UBE4B: variants seen among roughly 807,000 people sequenced by gnomAD.
The protein encoded by UBE4B is ubiquitin conjugation factor E4 B.
UBE4B carries 27 observed loss-of-function variants against 148.1 expected under a neutral mutation model. The observed-to-expected ratio is 0.18, with a 90% CI of 0.13 to 0.25. UBE4B has a LOEUF of 0.25. Among genes scored for constraint, UBE4B ranks in the 10% least tolerant of loss-of-function variants. The probability of loss-of-function intolerance (pLI) is 1.00; values close to 1 mark genes in which losing one functional copy is unlikely to be tolerated. For missense variants in UBE4B, 1,170 were observed against 1,662.4 expected, an observed-to-expected ratio of 0.70 and a Z score of 5.15; for synonymous variants, 596 against 619.3, an observed-to-expected ratio of 0.96 and a Z score of 0.56.
chr1:10,070,058 T>A (rs1557527470), intron 1 of UBE4B, among the ~76,000 whole-genome samples: 1 of 152,034 alleles, frequency 6.6e-6, no homozygotes, highest in African/African-American at 2.4e-5. Context: ...AAGGATTGTT[T>A]GAGCCCAGGA....
At chr1:10,149,900 G>A (rs1645942411) in intron 20 of UBE4B, among the ~76,000 whole-genome samples, 1 of 152,080 alleles carries the variant, frequency 6.6e-6, no homozygotes, top group African/African-American at 2.4e-5. Context: ...CATGCTTGTA[G>A]TCCCAGACAT....
intron 16 of UBE4B, among the ~76,000 whole-genome samples, chr1:10,135,882 G>A (rs6671289): frequency 0.31 from 46,967 of 151,946 alleles, 12,837 homozygotes; most frequent in African/African-American, 0.74. Context: ...TAACCTATCT[G>A]AAGTGAATTC....
chr1:10,156,216 A>C (rs1469194347), intron 21 of UBE4B, among the ~76,000 whole-genome samples: 2 of 144,978 alleles, frequency 1.4e-5, no homozygotes, highest in Non-Finnish European at 3.0e-5. Context: ...AGAAATGTAT[A>C]TTGTTTTGTT....
rs546373910 is a variant in UBE4B, at chr1:10,137,163, G to A, written c.2321G>A (p.Arg774His). Residue 774 changes from arginine to histidine, a missense_variant, in exon 17 of 28, where the codon CGT (arginine) becomes CAT (histidine). By Grantham distance (29) the Arg-to-His change is conservative. Coordinates refer to ENST00000343090, the MANE Select transcript of UBE4B (RefSeq NM_001105562.3). ...CACCTCTCTATTCTGCCTAGTTGCC[G>A]TCGCTATATCCGCAGACTCCGGGCT... is the stretch of plus-strand genomic sequence containing the variant. ...AHHLSILPSCRRYIRRLRAIR... is the reference protein window; with the variant it reads ...AHHLSILPSCHRYIRRLRAIR... The A allele has an allele frequency of 5.6e-6, 9 of 1,614,036 alleles. No homozygotes were observed. Among genetic ancestry groups the A allele is most frequent in the South Asian group, 3.3e-5 (3 of 91,074 alleles).
intron 21 of UBE4B, 78 bp from the exon 22 acceptor site, chr1:10,158,278 T>A: frequency 1.3e-6 from 2 of 1,550,448 alleles, no homozygotes; most frequent in Non-Finnish European, 1.8e-6. Context: ...ATTCACTCAG[T>A]ATCATTGTTG....
At chr1:10,065,306 G>A (rs1250668138) in intron 1 of UBE4B, among the ~76,000 whole-genome samples, 1 of 152,166 alleles carries the variant, frequency 6.6e-6, no homozygotes, top group East Asian at 1.9e-4. Context: ...CCAGGTCAGG[G>A]AGCAGGATAT....
In UBE4B at chr1:10,033,473, G is replaced by C. The variant is rs1643378856; in HGVS notation, c.-198G>C. On this transcript the variant is annotated 5_prime_UTR_variant, in exon 1 of 28. Coordinates refer to ENST00000343090, the MANE Select transcript of UBE4B (RefSeq NM_001105562.3). ...AAGCGGCTGTAGTAGTCTGTGGGGC[G>C]ACTGGAGTGACCGAAGCCAAGGCAG... is the stretch of plus-strand genomic sequence containing the variant. 1 of 457,376 alleles carries C rather than the reference G, an allele frequency of 2.2e-6. No individual in the cohort carries two copies. Among genetic ancestry groups the C allele is most frequent in the Non-Finnish European group, 3.7e-6 (1 of 268,958 alleles). 28.3% of individuals were successfully genotyped at this position (457,376 alleles called of 1,614,324 possible).
chr1:10,107,907 G>A (rs1464786098), intron 7 of UBE4B, among the ~76,000 whole-genome samples: 2 of 152,094 alleles, frequency 1.3e-5, no homozygotes, highest in East Asian at 3.9e-4. Flanking sequence ...CGCCTGGCAA[G>A]TTTGGAGGAA....
intron 21 of UBE4B, among the ~76,000 whole-genome samples, chr1:10,154,384 T>TA (rs925941474): frequency 4.0e-5 from 6 of 151,442 alleles, no homozygotes; most frequent in Non-Finnish European, 2.9e-5. Context: ...AAAAAAATTT[T>TA]AAAAAAAAAG....
chr1:10,072,119 G>T lies in UBE4B; in HGVS notation c.116G>T (p.Gly39Val), dbSNP rs1477430774. ...TCTCCCCAGAGGGAGAACCCTCCGG[G>T]GCCTCCCATAGCGGCATCAGCCCCA... ...LTSPQRENPP[G>V]PPIAASAPGP... Residue 39 changes from glycine (G) to valine (V), a missense_variant, in exon 2 of 28, where the codon GGG becomes GTG. Physicochemically the swap from Gly to Val is moderately radical, Grantham distance 109 (BLOSUM62 -3). This residue lies in a region of UBE4B where 127 missense variants were observed against 153.2 expected (regional missense o/e 0.83). Coordinates refer to ENST00000343090, the MANE Select transcript of UBE4B (RefSeq NM_001105562.3). 1 of 1,613,372 alleles carries T rather than the reference G, an allele frequency of 6.2e-7. No individual in the cohort carries two copies. The highest frequency in any genetic ancestry group is 8.5e-7 in the Non-Finnish European group (1 of 1,179,752).
intron 25 of UBE4B, among the ~76,000 whole-genome samples, chr1:10,173,793 G>A (rs1274436028): frequency 6.6e-6 from 1 of 152,174 alleles, no homozygotes; most frequent in Non-Finnish European, 1.5e-5. Context: ...CATCACAGGC[G>A]CTTAACGTAA....
At chr1:10,079,458 C>T (rs1316557496) in intron 2 of UBE4B, among the ~76,000 whole-genome samples, 1 of 152,106 alleles carries the variant, frequency 6.6e-6, no homozygotes, top group African/African-American at 2.4e-5. Context: ...CCGCACCCGA[C>T]CTCAAAATTT....
rs1363199002 is a variant in UBE4B, at chr1:10,130,589, T to G, written c.1785T>G (p.Phe595Leu). ...LQRLSYLGAF[F>L]SFSVFAEDDV... The stretch of plus-strand genomic sequence containing the variant: ...GACTCTCTTACTTAGGGGCTTTCTT[T>G]AGCTTCTCAGTCTTTGCAGAAGATG... The change falls in exon 13 of 28, where the codon TTT becomes TTG. Residue 595 changes from phenylalanine to leucine, a missense_variant. This residue lies in a region of UBE4B where 388 missense variants were observed against 536.0 expected (regional missense o/e 0.72). Transcript: ENST00000343090. 13 of 1,614,092 alleles carry G rather than the reference T, an allele frequency of 8.1e-6. No individual in the cohort carries two copies. In the Admixed American group the frequency reaches 2.2e-4, roughly 27 times the overall value.
chr1:10,169,056 G>A (rs2102027551), intron 24 of UBE4B, among the ~76,000 whole-genome samples: 1 of 152,252 alleles, frequency 6.6e-6, no homozygotes, highest in South Asian at 2.1e-4. Context: ...CATCACTAGG[G>A]TTTATGGTGG....
intron 25 of UBE4B, among the ~76,000 whole-genome samples, chr1:10,177,595 G>A (rs1347282251): frequency 6.6e-6 from 1 of 152,030 alleles, no homozygotes; most frequent in African/African-American, 2.4e-5. Flanking sequence ...GTTTGAGGCT[G>A]CAGTGAGCCA....
intron 23 of UBE4B, among the ~76,000 whole-genome samples, chr1:10,167,888 A>T (rs1454013061): frequency 6.6e-6 from 1 of 152,096 alleles, no homozygotes; most frequent in Admixed American, 6.6e-5. Flanking sequence ...CACGCCCGGC[A>T]GATGGTGACT....
intron 25 of UBE4B, among the ~76,000 whole-genome samples, chr1:10,173,306 G>A (rs1447905009): frequency 4.0e-5 from 6 of 151,672 alleles, no homozygotes; most frequent in South Asian, 4.2e-4. Context: ...GTGAAACCCC[G>A]TCTCTACTAA....
At chr1:10,130,165 C>T (rs554582626) in intron 12 of UBE4B, among the ~76,000 whole-genome samples, 2 of 152,258 alleles carry the variant, frequency 1.3e-5, no homozygotes, top group Admixed American at 1.3e-4. Context: ...CCTCTGCCTC[C>T]TGGGTTCAAG....
chr1:10,099,593 A>C (rs1202111751), intron 3 of UBE4B, among the ~76,000 whole-genome samples: 1 of 152,170 alleles, frequency 6.6e-6, no homozygotes, highest in Non-Finnish European at 1.5e-5. Context: ...AAATCCCGGG[A>C]GGGTTTTTAA....
Sources: allele counts gnomAD v4.1 joint callset (sites outside exome capture counted in the v4.1 genomes callset), GRCh38; gene constraint gnomAD v4.1.1; regional missense constraint gnomAD v4.1.1; transcripts MANE v1.5; gene names NCBI Gene and HGNC (gene_info 2026-07-23, HGNC 2026-07-21).